Variants in LRMDA observed in about 807,000 individuals in gnomAD.
LRMDA encodes the protein leucine rich melanocyte differentiation associated.
A neutral mutation model predicts 29.8 loss-of-function variants in LRMDA; 18 were observed. That is an observed-to-expected ratio of 0.60 (90% CI 0.42 to 0.90). LRMDA has a LOEUF of 0.90. Among genes scored for constraint, LRMDA ranks in the 40% least tolerant of loss-of-function variants. The pLI, the probability that LRMDA is intolerant of heterozygous loss-of-function variation, is 0.00. For synonymous variants in LRMDA, 125 were observed against 109.4 expected (o/e 1.14, Z -0.89); for missense variants, 273 against 273.9 (o/e 1.00, Z 0.02).
intron 2 of LRMDA, among the ~76,000 whole-genome samples, chr10:75,737,521 C>G (rs1842780526): frequency 6.6e-6 from 1 of 152,164 alleles, no homozygotes; most frequent in South Asian, 2.1e-4. Context: ...TGAGCAAGGC[C>G]TTTGTTGTTG....
At chr10:75,567,782 T>A (rs1450028096) in intron 2 of LRMDA, among the ~76,000 whole-genome samples, 5 of 152,180 alleles carry the variant, frequency 3.3e-5, no homozygotes, top group African/African-American at 1.2e-4. Context: ...GATCCCCCAG[T>A]ATTTTATCAG....
At chr10:75,885,358 T>C (rs1251064719) in intron 2 of LRMDA, among the ~76,000 whole-genome samples, 1 of 152,216 alleles carries the variant, frequency 6.6e-6, no homozygotes, top group Non-Finnish European at 1.5e-5. Context: ...CCTCATCAGA[T>C]ATATTTCTAC....
chr10:76,516,594 G>GT (rs562316230), intron 6 of LRMDA, among the ~76,000 whole-genome samples: 27 of 150,730 alleles, frequency 1.8e-4, no homozygotes, highest in East Asian at 1.4e-3. Context: ...AACATGCAGT[G>GT]TTTTTTTTTG....
intron 5 of LRMDA, among the ~76,000 whole-genome samples, chr10:76,062,654 CTCTGTGTGTGTGTGTGTGTG>C (rs1048439366): frequency 1.5e-5 from 2 of 136,344 alleles, no homozygotes; most frequent in African/African-American, 5.5e-5. Flanking sequence ...GACTTTATCT[CTCTGTGTGTGTGTGTGTGTG>C]TGTGTGTGTG....
chr10:75,771,726 C>T (rs1301689685), intron 2 of LRMDA, among the ~76,000 whole-genome samples: 2 of 152,028 alleles, frequency 1.3e-5, no homozygotes, highest in Middle Eastern at 3.2e-3. Context: ...TTATACCTTC[C>T]AGTTCCTACT....
At chr10:75,596,829 A>G (rs1380464720) in intron 2 of LRMDA, among the ~76,000 whole-genome samples, 1 of 152,224 alleles carries the variant, frequency 6.6e-6, no homozygotes, top group Non-Finnish European at 1.5e-5. Context: ...GTGACTTTAC[A>G]TGAGCAAATG....
intron 5 of LRMDA, among the ~76,000 whole-genome samples, chr10:76,077,991 C>CTT (rs1564646877): frequency 3.6e-5 from 3 of 83,428 alleles, no homozygotes; most frequent in Admixed American, 1.4e-4. Flanking sequence ...GCAATATTAA[C>CTT]ATTTTTTTTT....
At chr10:76,167,904 T>G (rs1272074845) in intron 5 of LRMDA, among the ~76,000 whole-genome samples, 2 of 152,184 alleles carry the variant, frequency 1.3e-5, no homozygotes, top group African/African-American at 4.8e-5. Context: ...TGTTTTTCCA[T>G]TTGTTTGTGT....
intron 3 of LRMDA, among the ~76,000 whole-genome samples, 173 bp downstream of exon 3, chr10:76,036,307 G>A (rs1267834604): frequency 6.6e-6 from 1 of 152,096 alleles, no homozygotes; most frequent in Non-Finnish European, 1.5e-5. Context: ...TCTGGCACTC[G>A]GGACACTTCA....
intron 2 of LRMDA, among the ~76,000 whole-genome samples, chr10:75,696,635 C>T (rs993821308): frequency 2.6e-5 from 4 of 152,176 alleles, no homozygotes; most frequent in African/African-American, 9.7e-5. Flanking sequence ...AGCTGTAAGA[C>T]GATGAGTCAG....
chr10:76,142,914 TC>T (rs1349736175), intron 5 of LRMDA, among the ~76,000 whole-genome samples: 4 of 151,530 alleles, frequency 2.6e-5, no homozygotes, highest in African/African-American at 9.8e-5. Context: ...ATTGTTCAAT[TC>T]CCACCTATGA....
chr10:76,014,685 C>T (rs113590779), intron 2 of LRMDA, among the ~76,000 whole-genome samples: 52 of 152,180 alleles, frequency 3.4e-4, no homozygotes, highest in African/African-American at 7.0e-4. Context: ...AGCCATTGAA[C>T]CTCTTTGTTC....
intron 5 of LRMDA, among the ~76,000 whole-genome samples, chr10:76,148,117 G>A (rs971482787): frequency 6.6e-6 from 1 of 152,196 alleles, no homozygotes; most frequent in Non-Finnish European, 1.5e-5. Flanking sequence ...CTCCCCGTTA[G>A]GCTACTCGGA....
At chr10:76,351,036 C>T (rs764029617) in intron 6 of LRMDA, among the ~76,000 whole-genome samples, 2 of 151,884 alleles carry the variant, frequency 1.3e-5, no homozygotes, top group African/African-American at 2.4e-5. Context: ...TAAAGTCAAA[C>T]GTGAAAAATG....
At chr10:75,720,497 G>C (rs1303759138) in intron 2 of LRMDA, among the ~76,000 whole-genome samples, 1 of 152,150 alleles carries the variant, frequency 6.6e-6, no homozygotes, top group Admixed American at 6.5e-5. Flanking sequence ...TTGTTTTCCT[G>C]TGCCCATTCT....
chr10:75,512,408 T>C (rs1399367199), intron 2 of LRMDA, among the ~76,000 whole-genome samples: 8 of 152,148 alleles, frequency 5.3e-5, no homozygotes, highest in African/African-American at 1.9e-4. Flanking sequence ...GTGTAGAGTA[T>C]TACTTTGACC....
chr10:75,966,646 C>G (rs1348491353), intron 2 of LRMDA, among the ~76,000 whole-genome samples: 2 of 152,204 alleles, frequency 1.3e-5, no homozygotes, highest in Admixed American at 6.5e-5. Context: ...CCTTGGTCAC[C>G]TGGCATGGGC....
At chr10:75,488,610 C>T (rs972621735) in intron 2 of LRMDA, among the ~76,000 whole-genome samples, 6 of 152,206 alleles carry the variant, frequency 3.9e-5, no homozygotes, top group Middle Eastern at 3.4e-3. Flanking sequence ...TTGTGCCCAT[C>T]GGATTTTTGA....
chr10:76,442,544 T>C (rs1284957529), intron 6 of LRMDA, among the ~76,000 whole-genome samples: 4 of 151,858 alleles, frequency 2.6e-5, no homozygotes, highest in African/African-American at 4.8e-5. Flanking sequence ...ACATAAAAAA[T>C]TATCTGGGCA....
Sources: allele counts gnomAD v4.1 joint callset (sites outside exome capture counted in the v4.1 genomes callset), GRCh38; gene constraint gnomAD v4.1.1; transcripts MANE v1.5; gene names NCBI Gene and HGNC (gene_info 2026-07-23, HGNC 2026-07-21).